The following PIK3C2B variants were observed in gnomAD, a reference collection of about 807,000 sequenced individuals.
PIK3C2B encodes phosphatidylinositol 4-phosphate 3-kinase C2 domain-containing subunit beta.
Under a neutral mutation model 184.3 loss-of-function variants are expected in PIK3C2B, and 83 were observed. That is an observed-to-expected ratio of 0.45 (90% CI 0.38 to 0.54). The LOEUF (loss-of-function observed/expected upper bound fraction) is 0.54, where lower values mean the gene tolerates loss of function less well. PIK3C2B is among the 20% of genes least tolerant of loss of function. The pLI is 0.00. For synonymous variants in PIK3C2B, 779 were observed against 837.6 expected (o/e 0.93, Z 1.21); for missense variants, 1,736 against 2,113.5 (o/e 0.82, Z 3.50).
chr1:204,444,228 A>G lies in PIK3C2B; in HGVS notation c.2773-66T>C, dbSNP rs1307007968. 7 of 1,420,728 alleles carry G rather than the reference A, an allele frequency of 4.9e-6. No individual in the cohort carries two copies. The Admixed American group carries it at 8.4e-5, about 17-fold the overall frequency. The allele number at this position is 1,420,728 out of a possible 1,614,324, so 88.0% of individuals were successfully genotyped here. ...TAACTGCCTGTAACCTACACTTATT[A>G]TTATTGCACTGGGATCTCTGGTTTC... On this transcript the variant is annotated intron_variant, in intron 17 of 32. Transcript: ENST00000684373.
intron 1 of PIK3C2B, among the ~76,000 whole-genome samples, chr1:204,491,794 C>A (rs1290371997): frequency 6.6e-6 from 1 of 152,198 alleles, no homozygotes; most frequent in Admixed American, 6.5e-5. Flanking sequence ...TCAAATCCCA[C>A]CTCTATCATT....
Position 204,454,934 on chromosome 1 carries a change from A to T in PIK3C2B, c.1944-143T>A, listed in dbSNP as rs977651406. On this transcript the variant is annotated intron_variant, in intron 11 of 32. Coordinates refer to ENST00000684373, the MANE Select transcript of PIK3C2B (RefSeq NM_001377334.1). ...CTGTAACACAGGATCTCCGGATAGG[A>T]CAGCCAAACTGGATGTAAGGAAATG... The T allele has an allele frequency of 3.6e-5, 31 of 864,236 alleles. No homozygotes were observed. In the Admixed American group the frequency reaches 4.1e-4, roughly 11 times the overall value. The allele number at this position is 864,236 out of a possible 1,614,324, so 53.5% of individuals were successfully genotyped here. A position where few individuals can be genotyped will look rare whatever the true frequency, so the allele number is the denominator to read the frequency against.
At position 204,449,940 on chromosome 1, in the gene PIK3C2B, G is replaced by A. The variant is rs1259503237; in HGVS notation, c.2144C>T (p.Pro715Leu). Residue 715 changes from proline to leucine, a missense_variant, in exon 13 of 33, where the codon CCC becomes CTC. Around this residue, in one of 8 missense-constraint regions of PIK3C2B, gnomAD observed 609 missense variants for 699.2 expected, o/e 0.87. Coordinates refer to ENST00000684373, the MANE Select transcript of PIK3C2B (RefSeq NM_001377334.1). ...GGCCTCTGAGGAGCTCCCCGGTGGG[G>A]GGATGGGCAGAGCATAGAGAGTGGC... ...LCATLYALPI[P>L]PPGSSSEANK... 2 of 1,612,362 alleles carry A rather than the reference G, an allele frequency of 1.2e-6. No individual in the cohort carries two copies. Among genetic ancestry groups the A allele is most frequent in the South Asian group, 2.2e-5 (2 of 90,426 alleles).
Position 204,432,260 on chromosome 1 carries a change from G to A in PIK3C2B, c.4095C>T (p.Gly1365=), listed in dbSNP as rs1428802118. ...ASRTHTLKSS[G]RISDVFLCRH... is the part of the protein sequence containing the mutation. ...GGCAGAGGAAAACATCACTGATTCG[G>A]CCAGAGCTCTTGAGAGTGTGTGTTC... Residue 1365 remains glycine (G), a synonymous_variant, in exon 27 of 33, where the codon GGC becomes GGT. Transcript: ENST00000684373. The A allele has an allele frequency of 6.2e-7, 1 of 1,614,054 alleles. No individual in the cohort carries two copies. The highest frequency in any genetic ancestry group is 2.2e-5 in the East Asian group (1 of 44,884).
Position 204,472,059 on chromosome 1 carries a change from A to G in PIK3C2B, c.-84-2173T>C, listed in dbSNP as rs188046599. On this transcript the variant is annotated intron_variant, in intron 1 of 32. Coordinates refer to ENST00000684373, the MANE Select transcript of PIK3C2B (RefSeq NM_001377334.1). Reference sequence around the variant, plus strand: ...GGTGGTATCCTTTTCTCTAGAAGCCATGACGTGAACAGAGTTGAGAAGCAT... The same window carrying G: ...GGTGGTATCCTTTTCTCTAGAAGCCGTGACGTGAACAGAGTTGAGAAGCAT... Among the ~76,000 whole-genome samples the G allele has an allele frequency of 1.8e-3, 269 of 152,270 alleles. 2 individuals are homozygous for G. The highest frequency in any genetic ancestry group is 3.0e-3 in the Non-Finnish European group (207 of 68,010).
In PIK3C2B at chr1:204,433,927, T is replaced by A; in HGVS notation, c.3709A>T (p.Thr1237Ser). ...TTGATGACATACGCCATGTCCGAGG[T>A]GAAGACAAAGGGGGCACGGTCCCTG... Reference protein sequence around the residue: ...IKRDRAPFVFTSDMAYVINGG... With the variant: ...IKRDRAPFVFSSDMAYVINGG... Residue 1237 changes from threonine (T) to serine (S), a missense_variant, in exon 25 of 33, where the codon ACC becomes TCC. By Grantham distance (58) the Thr-to-Ser change is moderately conservative. This residue lies in a region of PIK3C2B where 119 missense variants were observed against 179.3 expected (regional missense o/e 0.66). Coordinates refer to ENST00000684373, the MANE Select transcript of PIK3C2B (RefSeq NM_001377334.1). This position sits in a 1 kb window ranked among gnomAD's most constrained non-coding sequence, Gnocchi z 5.0. 1 of 1,613,764 alleles carries A rather than the reference T, an allele frequency of 6.2e-7. No homozygotes were observed. Among genetic ancestry groups the A allele is most frequent in the Non-Finnish European group, 8.5e-7 (1 of 1,179,938 alleles).
At position 204,423,941 on chromosome 1, in the gene PIK3C2B, T is replaced by A. The variant is rs1475758007; in HGVS notation, c.*911A>T. On this transcript the variant is annotated 3_prime_UTR_variant, in exon 33 of 33. Transcript: ENST00000684373. Reference sequence around the variant, plus strand: ...CCAGAGACAAATGAAGGGAGAGACCTATGGGGAAGCACCCCCAGCATATTC... The same window carrying A: ...CCAGAGACAAATGAAGGGAGAGACCAATGGGGAAGCACCCCCAGCATATTC... 1 of 152,418 alleles carries A rather than the reference T, an allele frequency of 6.6e-6. No homozygotes were observed. The highest frequency in any genetic ancestry group is 1.5e-5 in the Non-Finnish European group (1 of 68,054). 9.4% of individuals were successfully genotyped at this position (152,418 alleles called of 1,614,324 possible). A position where few individuals can be genotyped will look rare whatever the true frequency, so the allele number is the denominator to read the frequency against.
At chr1:204,461,177 T>G (rs374603269) in intron 5 of PIK3C2B, among the ~76,000 whole-genome samples, 137 of 152,310 alleles carry the variant, frequency 9.0e-4, no homozygotes, top group African/African-American at 3.2e-3. Context: ...AGCCTCCAGA[T>G]CAGTGTCCCC....
At position 204,488,469 on chromosome 1, in the gene PIK3C2B, T is replaced by C. The variant is rs181980547; in HGVS notation, c.-85+5887A>G. 3.3e-4 allele frequency among the ~76,000 whole-genome samples: 51 copies of C among 152,358 alleles called. 1 individual carries two copies. In the Middle Eastern group the frequency reaches 0.02, roughly 61 times the overall value. On this transcript the variant is annotated intron_variant, in intron 1 of 32. Coordinates refer to ENST00000684373, the MANE Select transcript of PIK3C2B (RefSeq NM_001377334.1). ...ACATTAAAAAGCTTGGTTTAATTCT[T>C]AGTGAACTACTCTTAGTGGACTAAG...
chr1:204,460,084 ATATAG>A, intron 7 of PIK3C2B, 143 bp from the exon 8 acceptor site: 3 of 705,664 alleles, frequency 4.3e-6, no homozygotes, highest in South Asian at 3.4e-5. Flanking sequence ...CTGTGAAGAC[ATATAG>A]AGGGAGAGTC....
Position 204,446,010 on chromosome 1 carries a change from A to G in PIK3C2B, c.2624T>C (p.Leu875Pro). 1 of 1,598,696 alleles carries G rather than the reference A, an allele frequency of 6.3e-7. No homozygotes were observed. Among genetic ancestry groups the G allele is most frequent in the Non-Finnish European group, 8.5e-7 (1 of 1,169,684 alleles). The change falls in exon 16 of 33, where the codon CTG becomes CCG. Residue 875 changes from leucine (L) to proline (P), a missense_variant. By Grantham distance (98) the Leu-to-Pro change is moderately conservative. Transcript: ENST00000684373. ...WACLPDIYVL[L>P]KQWTHMNHQD... ...GTGGTTCATGTGGGTCCACTGCTTC[A>G]GGAGAACATAGATGTCAGGCAGGCA...
At chr1:204,456,954 G>A in intron 10 of PIK3C2B, 83 bp downstream of exon 10, 2 of 1,149,312 alleles carry the variant, frequency 1.7e-6, no homozygotes, top group East Asian at 2.6e-5. Context: ...TAAATCAAGG[G>A]GCCCAGGCAG....
chr1:204,493,370 T>C (rs904857334), intron 1 of PIK3C2B, among the ~76,000 whole-genome samples: 2 of 150,498 alleles, frequency 1.3e-5, no homozygotes, highest in East Asian at 3.9e-4. Flanking sequence ...TCCAACAGAG[T>C]TGAGAAAAAA....
chr1:204,463,506 G>C (rs1655497658), intron 5 of PIK3C2B, among the ~76,000 whole-genome samples: 1 of 152,146 alleles, frequency 6.6e-6, no homozygotes, highest in African/African-American at 2.4e-5. Flanking sequence ...ACGCCTTTGG[G>C]AGGAGGATAA....
At chr1:204,465,417 C>G (rs1019486916) in intron 2 of PIK3C2B, 98 bp from the exon 3 acceptor site, 21 of 735,558 alleles carry the variant, frequency 2.9e-5, no homozygotes, top group Non-Finnish European at 4.8e-5. Flanking sequence ...GATGAAAAGA[C>G]TTTCTAGTCA....
intron 1 of PIK3C2B, among the ~76,000 whole-genome samples, chr1:204,472,577 G>A (rs960106436): frequency 3.3e-5 from 5 of 151,974 alleles, no homozygotes; most frequent in South Asian, 2.1e-4. Context: ...TCAGGAGTTC[G>A]AGACCAGCCT....
rs117602195 is a variant in PIK3C2B, at chr1:204,448,947, C to G, written c.2346+238G>C. ...CCTGAATGCAGAGGGTCTCAGACCC[C>G]ATCTTCAGGCTCCACGAAATCAATT... On this transcript the variant is annotated intron_variant, in intron 14 of 32. Coordinates refer to ENST00000684373, the MANE Select transcript of PIK3C2B (RefSeq NM_001377334.1). Among the ~76,000 whole-genome samples the G allele has an allele frequency of 9.8e-5, 15 of 152,290 alleles. No homozygotes were observed. The East Asian group carries it at 1.7e-3, about 18-fold the overall frequency.
At chr1:204,426,802 A>C (rs1674767461) in intron 31 of PIK3C2B, among the ~76,000 whole-genome samples, 1 of 152,174 alleles carries the variant, frequency 6.6e-6, no homozygotes, top group Non-Finnish European at 1.5e-5. Context: ...CAACCTACAT[A>C]AAATGCCTAA....
chr1:204,460,414 A>G lies in PIK3C2B; in HGVS notation c.1423-11T>C. On this transcript the variant is annotated splice_polypyrimidine_tract_variant and intron_variant, in intron 6 of 32. Transcript: ENST00000684373. ...CTGGTCATCATTCACCTGTATAAGA[A>G]GTGACCTATTCAGAGAGGGGCGGTG... is the stretch of plus-strand genomic sequence containing the variant. 6.2e-7 allele frequency: 1 copy of G among 1,610,822 alleles called. No individual in the cohort carries two copies. The highest frequency in any genetic ancestry group is 8.5e-7 in the Non-Finnish European group (1 of 1,177,052).
Sources: gnomAD v4.1 joint callset for allele counts (sites outside exome capture counted in the v4.1 genomes callset) on GRCh38, gnomAD v4.1.1 for gene constraint, gnomAD v4.1.1 regional missense constraint, Gnocchi (gnomAD v3.1) non-coding constraint, MANE v1.5 for transcripts, NCBI Gene and HGNC (gene_info 2026-07-23, HGNC 2026-07-21) for gene names.